Variants in ZDHHC9 observed in about 807,000 individuals in gnomAD.
The protein encoded by ZDHHC9 is palmitoyltransferase ZDHHC9.
Under a neutral mutation model 26.6 loss-of-function variants are expected in ZDHHC9, and 3 were observed. The ratio of observed to expected loss-of-function variants is 0.11; its 90% CI spans 0.05 to 0.29. The LOEUF is 0.29. ZDHHC9 is among the 10% of genes least tolerant of loss of function. The pLI is 1.00. For missense variants in ZDHHC9, 146 were observed against 296.4 expected, an observed-to-expected ratio of 0.49 and a Z score of 3.73; for synonymous variants, 111 against 109.4, an observed-to-expected ratio of 1.01 and a Z score of -0.09.
chrX:129,810,928 T>A lies in ZDHHC9; in HGVS notation c.955A>T (p.Ser319Cys). The change falls in exon 10 of 11, where the codon AGC (serine) becomes TGC (cysteine). Residue 319 changes from serine (S) to cysteine (C), a missense_variant. Physicochemically the swap from Ser to Cys is moderately radical, Grantham distance 112. This residue lies in a region of ZDHHC9 where 46 missense variants were observed against 46.4 expected (regional missense o/e 0.99). Transcript: ENST00000357166. ...ACTGGGCTCTGTGGCAAGAGGCTGC[T>A]ACTGGTCTCTTGAGTACTGGGAGGT... Reference protein sequence around the residue: ...SRPPSTQETSSSLLPQSPAPT... With the variant: ...SRPPSTQETSCSLLPQSPAPT... 1 of 1,211,550 alleles carries A rather than the reference T, an allele frequency of 8.3e-7. No individual in the cohort carries two copies. Among genetic ancestry groups the A allele is most frequent in the Non-Finnish European group, 1.1e-6 (1 of 895,272 alleles).
At chrX:129,807,172 C>T (rs1232015094) in intron 10 of ZDHHC9, among the ~76,000 whole-genome samples, 6 of 112,412 alleles carry the variant, frequency 5.3e-5, no homozygotes, top group Admixed American at 1.9e-4. Context: ...TCTGGCCGGG[C>T]GCGGTGGCTC....
intron 3 of ZDHHC9, among the ~76,000 whole-genome samples, chrX:129,833,183 AC>A (rs1381691520): frequency 9.0e-6 from 1 of 111,387 alleles, no homozygotes; most frequent in Admixed American, 9.6e-5. Context: ...CCATGTCCCA[AC>A]TAAGTCTTCA....
intron 5 of ZDHHC9, among the ~76,000 whole-genome samples, chrX:129,818,037 T>A (rs1027921453): frequency 1.8e-5 from 2 of 111,753 alleles, no homozygotes; most frequent in Non-Finnish European, 3.8e-5. Flanking sequence ...TAACCCCCAA[T>A]GTAGCTGCAC....
At chrX:129,822,714 A>T (rs760401494) in intron 5 of ZDHHC9, among the ~76,000 whole-genome samples, 2 of 111,898 alleles carry the variant, frequency 1.8e-5, no homozygotes, top group Admixed American at 1.9e-4. Flanking sequence ...AGAGCACCAT[A>T]TAGCTTTTAC....
intron 5 of ZDHHC9, among the ~76,000 whole-genome samples, chrX:129,822,003 T>G (rs1419034264): frequency 9.0e-6 from 1 of 111,159 alleles, no homozygotes; most frequent in Non-Finnish European, 1.9e-5. Context: ...ACACTGTTGG[T>G]GGGAGTGTAA....
chrX:129,805,316 G>T lies in ZDHHC9; in HGVS notation c.*1054C>A, dbSNP rs1308544579. 9.0e-6 allele frequency: 1 copy of T among 110,762 alleles called. No individual in the cohort carries two copies. The highest frequency in any genetic ancestry group is 3.3e-5 in the African/African-American group (1 of 29,950). The allele number at this position is 110,762 out of a possible 1,213,427, so 9.1% of individuals were successfully genotyped here. ...CTCACTCAGCCGAGGCTTAATGGAA[G>T]AACTGGTTAGCATTTTTTTTTTTTT... is the stretch of plus-strand genomic sequence containing the variant. On this transcript the variant is annotated 3_prime_UTR_variant, in exon 11 of 11. Transcript: ENST00000357166.
At chrX:129,811,657 G>A in intron 8 of ZDHHC9, 148 bp from the exon 9 acceptor site, 2 of 480,090 alleles carry the variant, frequency 4.2e-6, no homozygotes, top group Non-Finnish European at 6.8e-6. Context: ...AAAAGTTCTG[G>A]AAATGGATGG....
In ZDHHC9 at chrX:129,804,808, C is replaced by G. The variant is rs1412150359; in HGVS notation, c.*1562G>C. ...AGATCAATGGAGAGTTTGGAACTAC[C>G]TCTCCAACCCAAGGGTGCCCTGGTT... On this transcript the variant is annotated 3_prime_UTR_variant, in exon 11 of 11. Transcript: ENST00000357166. 3 of 111,622 alleles carry G rather than the reference C, an allele frequency of 2.7e-5. No individual in the cohort carries two copies. The highest frequency in any genetic ancestry group is 5.6e-5 in the Non-Finnish European group (3 of 53,106). 9.2% of individuals were successfully genotyped at this position (111,622 alleles called of 1,213,427 possible). A position where few individuals can be genotyped will look rare whatever the true frequency, so the allele number is the denominator to read the frequency against.
chrX:129,823,846 C>G lies in ZDHHC9; in HGVS notation c.329-9G>C, dbSNP rs754854276. The G allele has an allele frequency of 3.3e-6, 4 of 1,206,235 alleles. No individual in the cohort carries two copies. In the South Asian group the frequency reaches 7.0e-5, roughly 21 times the overall value. On this transcript the variant is annotated splice_polypyrimidine_tract_variant and intron_variant, in intron 4 of 10. Transcript: ENST00000357166. Reference sequence around the variant, plus strand: ...CGCACCATTGGTAGCTTCTGTAAATCAATAAAGACAGTTAATATCACAGCT... The same window carrying G: ...CGCACCATTGGTAGCTTCTGTAAATGAATAAAGACAGTTAATATCACAGCT...
intron 6 of ZDHHC9, 79 bp from the exon 7 acceptor site, chrX:129,813,804 C>T: frequency 1.1e-6 from 1 of 913,804 alleles, no homozygotes; most frequent in Non-Finnish European, 1.6e-6. Flanking sequence ...TGCCTACTCA[C>T]TTCCTTCCCT....
rs141923601 is a variant in ZDHHC9 at position 129,829,060 on chromosome X, C to G, written c.249G>C (p.Leu83=). Residue 83 remains leucine (L), a synonymous_variant, in exon 4 of 11, where the codon CTG becomes CTC. Transcript: ENST00000357166. ...CAGGGTCACTGAAGCTGGTCCTCAA[C>G]AGTGTAGCCATGGAGAAAAGGAAGA... ...AMLFLFSMAT[L]LRTSFSDPGV... 3 of 1,209,948 alleles carry G rather than the reference C, an allele frequency of 2.5e-6. No individual in the cohort carries two copies. The highest frequency in any genetic ancestry group is 3.4e-6 in the Non-Finnish European group (3 of 895,254).
At position 129,812,705 on chromosome X, in the gene ZDHHC9, A is replaced by G; in HGVS notation, c.777+13T>C. 8.5e-7 allele frequency: 1 copy of G among 1,181,384 alleles called. No individual in the cohort carries two copies. Among genetic ancestry groups the G allele is most frequent in the Admixed American group, 2.2e-5 (1 of 46,023 alleles). On this transcript the variant is annotated intron_variant, in intron 8 of 10. Transcript: ENST00000357166. ...GAAGAATATGTGGTGAGGAGAAGAGAAAGTTGACTCACGTCTTCATTGGTT... is the reference window on the plus strand; with the variant it reads ...GAAGAATATGTGGTGAGGAGAAGAGGAAGTTGACTCACGTCTTCATTGGTT...
chrX:129,841,858 T>A lies in ZDHHC9; in HGVS notation c.88A>T (p.Met30Leu). The change falls in exon 3 of 11, where the codon ATG becomes TTG. Residue 30 changes from methionine (M) to leucine (L), a missense_variant. Met to Leu is a conservative substitution (Grantham distance 15). Around this residue, in one of 2 missense-constraint regions of ZDHHC9, gnomAD observed 100 missense variants for 250.0 expected, o/e 0.40. Coordinates refer to ENST00000357166, the MANE Select transcript of ZDHHC9 (RefSeq NM_016032.4). ...RNTFCCDGRV[M>L]MARQKGIFYL... is the part of the protein sequence containing the mutation. ...AAAATGCCCTTTTGCCGGGCCATCA[T>A]GACGCGGCCATCACAGCAAAAGGTG... 1 of 1,211,891 alleles carries A rather than the reference T, an allele frequency of 8.3e-7. No homozygotes were observed. The highest frequency in any genetic ancestry group is 1.1e-6 in the Non-Finnish European group (1 of 895,543).
At chrX:129,830,696 G>A (rs941974096) in intron 3 of ZDHHC9, among the ~76,000 whole-genome samples, 18 of 111,576 alleles carry the variant, frequency 1.6e-4, no homozygotes, top group African/African-American at 5.2e-4. Context: ...TAAGAAAAAC[G>A]CTTACCTCAT....
chrX:129,828,706 A>G (rs746065360), intron 4 of ZDHHC9, among the ~76,000 whole-genome samples: 26 of 111,466 alleles, frequency 2.3e-4, no homozygotes, highest in Non-Finnish European at 3.8e-4. Context: ...CCAAAAAAGT[A>G]AAAAACCATC....
At chrX:129,830,851 C>A (rs893963824) in intron 3 of ZDHHC9, among the ~76,000 whole-genome samples, 1 of 111,900 alleles carries the variant, frequency 8.9e-6, no homozygotes, top group South Asian at 3.7e-4. Flanking sequence ...GGACACAAGC[C>A]AAGTTTTATA....
chrX:129,823,607 A>G (rs1240329710), intron 5 of ZDHHC9, 72 bp downstream of exon 5: 1 of 1,162,052 alleles, frequency 8.6e-7, no homozygotes, highest in Non-Finnish European at 1.2e-6. Context: ...TCCTCCCAAA[A>G]TTGGTGACCA....
intron 3 of ZDHHC9, among the ~76,000 whole-genome samples, chrX:129,838,481 G>T (rs1290905980): frequency 9.0e-6 from 1 of 111,333 alleles, no homozygotes; most frequent in African/African-American, 3.3e-5. Flanking sequence ...AGACAAGCCT[G>T]GCCAACATGG....
chrX:129,807,892 T>C lies in ZDHHC9; in HGVS notation c.979-1406A>G, dbSNP rs192590086. Among the ~76,000 whole-genome samples the C allele has an allele frequency of 1.2e-3, 131 of 112,350 alleles. 1 individual carries two copies. The highest frequency in any genetic ancestry group is 7.5e-3 in the East Asian group (27 of 3,612). ...GCAAGGTTTTAGGGTATAAGATCCA[T>C]ATATAAAAATCAATTGTCTTTCAAT... On this transcript the variant is annotated intron_variant, in intron 10 of 10. Transcript: ENST00000357166.
Sources: gnomAD v4.1 joint callset for allele counts (sites outside exome capture counted in the v4.1 genomes callset) on GRCh38, gnomAD v4.1.1 for gene constraint, gnomAD v4.1.1 regional missense constraint, MANE v1.5 for transcripts, NCBI Gene and HGNC (gene_info 2026-07-23, HGNC 2026-07-21) for gene names.